THSD4: variants seen among roughly 807,000 people sequenced by gnomAD.
THSD4 encodes the protein thrombospondin type-1 domain-containing protein 4.
THSD4 carries 69 observed loss-of-function variants against 119.0 expected under a neutral mutation model. The ratio of observed to expected loss-of-function variants is 0.58; its 90% CI spans 0.48 to 0.71. The LOEUF is 0.71. THSD4 is among the 30% of genes least tolerant of loss of function. THSD4 has a pLI of 0.00. For synonymous variants in THSD4, 524 were observed against 540.4 expected, an observed-to-expected ratio of 0.97 and a Z score of 0.42; for missense variants, 1,393 against 1,391.1, an observed-to-expected ratio of 1.00 and a Z score of -0.02.
At chr15:71,202,116 G>A (rs886512453) in intron 3 of THSD4, among the ~76,000 whole-genome samples, 2 of 152,078 alleles carry the variant, frequency 1.3e-5, no homozygotes, top group African/African-American at 4.8e-5. Context: ...TTTCAGGCGA[G>A]ACCACACCTA....
rs1359180039 is a variant in THSD4 at position 71,154,860 on chromosome 15, C to T, written c.30-3C>T. 1 of 1,614,148 alleles carries T rather than the reference C, an allele frequency of 6.2e-7. No individual in the cohort carries two copies. The highest frequency in any genetic ancestry group is 8.5e-7 in the Non-Finnish European group (1 of 1,180,012). On this transcript the variant is annotated splice_region_variant and splice_polypyrimidine_tract_variant and intron_variant, in intron 2 of 17. Transcript: ENST00000261862. ...CCTGCCTGTTGCTATTTTCCCTTTT[C>T]AGTGTCCTGTGTTTCCTTCTGCTGC... is the stretch of plus-strand genomic sequence containing the variant.
intron 1 of THSD4, among the ~76,000 whole-genome samples, chr15:71,129,018 T>G (rs2040479484): frequency 6.6e-6 from 1 of 151,576 alleles, no homozygotes. Context: ...ACATGAGAGA[T>G]AGTACAAAGG....
intron 6 of THSD4, among the ~76,000 whole-genome samples, chr15:71,317,509 A>G (rs2045205396): frequency 6.6e-6 from 1 of 152,208 alleles, no homozygotes. Flanking sequence ...AGACTTATTC[A>G]CTATCATGAG....
At position 71,682,565 on chromosome 15, in the gene THSD4, T is replaced by C. The variant is rs530196455; in HGVS notation, c.1357+21831T>C. On this transcript the variant is annotated intron_variant, in intron 8 of 17. Coordinates refer to ENST00000261862, the MANE Select transcript of THSD4 (RefSeq NM_024817.3). ...GAATAATACAGCATATACTGTTTTG[T>C]ATCTGGCTTTTTTTTTTTTTTTCTC... 4.0e-4 allele frequency among the ~76,000 whole-genome samples: 50 copies of C among 124,176 alleles called. No individual in the cohort carries two copies. The South Asian group carries it at 0.012, about 31-fold the overall frequency. The allele number at this position is 124,176 out of a possible 152,430, so 81.5% of individuals were successfully genotyped here.
chr15:71,278,630 G>T (rs940344204), intron 6 of THSD4, among the ~76,000 whole-genome samples: 1 of 152,134 alleles, frequency 6.6e-6, no homozygotes, highest in Non-Finnish European at 1.5e-5. Flanking sequence ...GTTTCTCTGC[G>T]GAGGCAAGGA....
intron 17 of THSD4, among the ~76,000 whole-genome samples, chr15:71,772,432 A>G (rs565691111): frequency 1.6e-4 from 24 of 152,358 alleles, no homozygotes; most frequent in African/African-American, 5.5e-4. Context: ...TATAGAAAAA[A>G]TAAATAAAAG....
intron 7 of THSD4, among the ~76,000 whole-genome samples, chr15:71,491,910 T>TA (rs1361955661): frequency 1.3e-5 from 2 of 152,170 alleles, no homozygotes; most frequent in Non-Finnish European, 2.9e-5. Context: ...ATTTTATTTA[T>TA]AAACTACCCA....
At chr15:71,491,728 G>A (rs1196323975) in intron 7 of THSD4, among the ~76,000 whole-genome samples, 1 of 152,018 alleles carries the variant, frequency 6.6e-6, no homozygotes, top group Non-Finnish European at 1.5e-5. Context: ...TTTTTAATTA[G>A]CCAGGTATTG....
At chr15:71,540,257 C>A (rs1293900553) in intron 7 of THSD4, among the ~76,000 whole-genome samples, 44 of 150,812 alleles carry the variant, frequency 2.9e-4, no homozygotes, top group Admixed American at 2.6e-3. Flanking sequence ...CCTGCCTCAG[C>A]CTCCCGAGTA....
chr15:71,392,301 A>C (rs1168654470), intron 6 of THSD4, among the ~76,000 whole-genome samples: 3 of 152,194 alleles, frequency 2.0e-5, no homozygotes, highest in African/African-American at 7.2e-5. Context: ...ACGGGAGAAG[A>C]GGTTAACTTT....
At chr15:71,219,921 G>T (rs138678894) in intron 4 of THSD4, among the ~76,000 whole-genome samples, 4 of 152,304 alleles carry the variant, frequency 2.6e-5, no homozygotes, top group Admixed American at 2.6e-4. Flanking sequence ...CTTCCAGCTG[G>T]TGTGTTCAGA....
intron 4 of THSD4, among the ~76,000 whole-genome samples, chr15:71,238,365 A>G (rs575186592): frequency 4.1e-4 from 62 of 152,320 alleles, no homozygotes; most frequent in African/African-American, 1.4e-3. Context: ...ATGTAACTCA[A>G]TAGTTTTTGG....
intron 7 of THSD4, among the ~76,000 whole-genome samples, chr15:71,652,032 C>T (rs570159685): frequency 2.6e-5 from 4 of 152,342 alleles, no homozygotes; most frequent in African/African-American, 9.6e-5. Context: ...GCCATCTGCG[C>T]TCAGGAGGCC....
intron 14 of THSD4, among the ~76,000 whole-genome samples, chr15:71,756,644 C>T (rs962614852): frequency 5.3e-5 from 8 of 152,064 alleles, no homozygotes; most frequent in African/African-American, 1.7e-4. Context: ...ATTAGCTGGA[C>T]ATGGTCGTGA....
At position 71,679,148 on chromosome 15, in the gene THSD4, A is replaced by G. The variant is rs372536741; in HGVS notation, c.1357+18414A>G. Among the ~76,000 whole-genome samples, 32 of 152,348 alleles carry G rather than the reference A, an allele frequency of 2.1e-4. 1 individual carries two copies. Among genetic ancestry groups the G allele is most frequent in the African/African-American group, 7.5e-4 (31 of 41,586 alleles). ...GAACGATACATGGCCCCTTCCCTGA[A>G]AGGCATTTACTGTCCATTTGGAAAT... On this transcript the variant is annotated intron_variant, in intron 8 of 17. Coordinates refer to ENST00000261862, the MANE Select transcript of THSD4 (RefSeq NM_024817.3).
chr15:71,461,764 T>C (rs1365345445), intron 7 of THSD4, among the ~76,000 whole-genome samples: 1 of 151,652 alleles, frequency 6.6e-6, no homozygotes, highest in Non-Finnish European at 1.5e-5. Flanking sequence ...TTTCTTCCAC[T>C]ATGATGAAGA....
intron 7 of THSD4, among the ~76,000 whole-genome samples, chr15:71,574,788 A>G (rs2049418813): frequency 6.6e-6 from 1 of 152,140 alleles, no homozygotes; most frequent in Admixed American, 6.6e-5. Context: ...TCAAAGTCAC[A>G]TTTCCACAGG....
chr15:71,693,847 A>G (rs2052105481), intron 8 of THSD4, among the ~76,000 whole-genome samples: 2 of 151,932 alleles, frequency 1.3e-5, no homozygotes, highest in South Asian at 4.2e-4. Flanking sequence ...CTCTTCCTTC[A>G]TCTCCTGCCA....
intron 7 of THSD4, among the ~76,000 whole-genome samples, chr15:71,545,212 A>G (rs138980893): frequency 2.0e-5 from 3 of 152,344 alleles, no homozygotes; most frequent in African/African-American, 7.2e-5. Context: ...ATGGTTACAG[A>G]GAAGTAAATG....
Sources: allele counts gnomAD v4.1 joint callset (sites outside exome capture counted in the v4.1 genomes callset), GRCh38; gene constraint gnomAD v4.1.1; transcripts MANE v1.5; gene names NCBI Gene and HGNC (gene_info 2026-07-23, HGNC 2026-07-21).